MACROD2: variants seen among roughly 807,000 people sequenced by gnomAD.
MACROD2 encodes the protein mono-ADP ribosylhydrolase 2, also known as ADP-ribose glycohydrolase MACROD2.
Under a neutral mutation model 70.4 loss-of-function variants are expected in MACROD2, and 36 were observed. The ratio of observed to expected loss-of-function variants is 0.51; its 90% CI spans 0.39 to 0.68. MACROD2 has a LOEUF of 0.68. Among genes scored for constraint, MACROD2 ranks in the 30% least tolerant of loss-of-function variants. The pLI is 0.00. For missense variants in MACROD2, 496 were observed against 538.4 expected (o/e 0.92, Z 0.78); for synonymous variants, 172 against 178.8 (o/e 0.96, Z 0.30).
chr20:14,967,034 A>G (rs1219203058), intron 5 of MACROD2, among the ~76,000 whole-genome samples: 1 of 151,714 alleles, frequency 6.6e-6, no homozygotes, highest in African/African-American at 2.4e-5. Flanking sequence ...ATGGGTGTGT[A>G]CTGATATTTC....
At chr20:14,850,181 A>G in intron 5 of MACROD2, 1 of 317,592 alleles carries the variant, frequency 3.1e-6, no homozygotes, top group South Asian at 2.6e-5. Flanking sequence ...TTAGCTGGAA[A>G]ACAAAAAGCA....
intron 6 of MACROD2, among the ~76,000 whole-genome samples, chr20:15,376,397 A>G (rs950298019): frequency 5.9e-5 from 9 of 152,310 alleles, no homozygotes; most frequent in Non-Finnish European, 1.0e-4. Context: ...ACAGACCTCA[A>G]TATCTCTGCA....
chr20:15,640,999 C>A (rs1343255726), intron 8 of MACROD2, among the ~76,000 whole-genome samples: 2 of 152,222 alleles, frequency 1.3e-5, no homozygotes, highest in African/African-American at 4.8e-5. Context: ...GGCCAGTGGG[C>A]TCAATGCCCT....
intron 4 of MACROD2, chr20:14,628,997 A>G (rs1984353060): frequency 6.6e-6 from 1 of 152,198 alleles, no homozygotes; most frequent in South Asian, 2.1e-4. Context: ...TAGACACATT[A>G]TATTTATTAT....
At chr20:14,313,102 G>T (rs1329367879) in intron 3 of MACROD2, among the ~76,000 whole-genome samples, 1 of 152,148 alleles carries the variant, frequency 6.6e-6, no homozygotes, top group Non-Finnish European at 1.5e-5. Flanking sequence ...GTATATTATA[G>T]AATTCTGTCT....
In MACROD2 at chr20:15,850,580, G is replaced by A. The variant is rs146190334; in HGVS notation, c.646-12165G>A. Among the ~76,000 whole-genome samples the A allele has an allele frequency of 6.4e-4, 98 of 152,314 alleles. 1 individual carries two copies. In the East Asian group the frequency reaches 0.017, roughly 26 times the overall value. On this transcript the variant is annotated intron_variant, in intron 8 of 17. Coordinates refer to ENST00000684519, the MANE Select transcript of MACROD2 (RefSeq NM_001351661.2). ...AAGTAATCCATTTCTCACATAGAAG[G>A]AGATCTGTAACTCTTATCTAGAAGG...
Position 14,019,692 on chromosome 20 carries a change from A to T in MACROD2, c.163+17288A>T, listed in dbSNP as rs566090108. Among the ~76,000 whole-genome samples the T allele has an allele frequency of 2.0e-5, 3 of 152,178 alleles. No homozygotes were observed. In the South Asian group the frequency reaches 6.3e-4, roughly 32 times the overall value. On this transcript the variant is annotated intron_variant, in intron 2 of 17. Coordinates refer to ENST00000684519, the MANE Select transcript of MACROD2 (RefSeq NM_001351661.2). ...GGTCCTCATGTGCTGAGTCTGCCAC[A>T]GGACCATTGAATCATGAGTCTTGGA...
intron 5 of MACROD2, among the ~76,000 whole-genome samples, chr20:15,055,112 G>A (rs1392506044): frequency 2.0e-5 from 3 of 152,188 alleles, no homozygotes; most frequent in East Asian, 3.9e-4. Flanking sequence ...ACCACACCCA[G>A]CTAATTTTTG....
At chr20:14,978,009 A>T (rs1159327606) in intron 5 of MACROD2, among the ~76,000 whole-genome samples, 1 of 152,170 alleles carries the variant, frequency 6.6e-6, no homozygotes, top group African/African-American at 2.4e-5. Context: ...GAAGCTTCAG[A>T]TTCTTCCTTA....
intron 5 of MACROD2, among the ~76,000 whole-genome samples, chr20:15,003,844 C>G (rs527961814): frequency 6.6e-6 from 1 of 152,166 alleles, no homozygotes; most frequent in Non-Finnish European, 1.5e-5. Flanking sequence ...CCAGTTACTC[C>G]TGTAATAACT....
intron 12 of MACROD2, among the ~76,000 whole-genome samples, chr20:15,955,177 A>G (rs1386930879): frequency 6.6e-6 from 1 of 152,162 alleles, no homozygotes; most frequent in Non-Finnish European, 1.5e-5. Flanking sequence ...TCTTTGAAAG[A>G]TTGGAAGAAG....
At chr20:15,898,769 T>C (rs1332699688) in intron 10 of MACROD2, among the ~76,000 whole-genome samples, 1 of 152,008 alleles carries the variant, frequency 6.6e-6, no homozygotes, top group Non-Finnish European at 1.5e-5. Context: ...CTCTTGATCC[T>C]GGCACTTTAT....
At chr20:15,233,967 T>TATATA (rs1568657240) in intron 6 of MACROD2, among the ~76,000 whole-genome samples, 50 of 48,570 alleles carry the variant, frequency 1.0e-3, no homozygotes, top group Non-Finnish European at 1.3e-3. Flanking sequence ...AAAAATTTAT[T>TATATA]TTTATATATA....
At chr20:14,529,720 AT>A (rs112333507) in intron 4 of MACROD2, among the ~76,000 whole-genome samples, 10,345 of 152,174 alleles carry the variant, frequency 0.068, 1,177 homozygotes, top group African/African-American at 0.23. Context: ...TGAAATTGGG[AT>A]TTTGGTAAAA....
At chr20:15,183,078 T>A (rs1008974306) in intron 5 of MACROD2, among the ~76,000 whole-genome samples, 2 of 152,220 alleles carry the variant, frequency 1.3e-5, no homozygotes, top group Non-Finnish European at 2.9e-5. Context: ...TTGGTTGCAT[T>A]TCTTGCCTTT....
intron 5 of MACROD2, among the ~76,000 whole-genome samples, chr20:14,948,040 C>T (rs1360619020): frequency 1.3e-5 from 2 of 152,162 alleles, no homozygotes; most frequent in African/African-American, 4.8e-5. Flanking sequence ...GCAAGTATTT[C>T]CCCTCCAAGG....
intron 5 of MACROD2, among the ~76,000 whole-genome samples, chr20:15,175,417 TTAAAG>T (rs1392354997): frequency 2.0e-5 from 3 of 151,992 alleles, no homozygotes; most frequent in Admixed American, 6.5e-5. Context: ...ACCCTAAAAC[TTAAAG>T]TATAATAATA....
At chr20:14,925,314 A>T (rs970239313) in intron 5 of MACROD2, among the ~76,000 whole-genome samples, 3 of 152,172 alleles carry the variant, frequency 2.0e-5, no homozygotes, top group Non-Finnish European at 4.4e-5. Flanking sequence ...AAAAAGAAAC[A>T]CCTTACTGTC....
At chr20:14,470,732 A>G (rs1252987384) in intron 3 of MACROD2, among the ~76,000 whole-genome samples, 1 of 152,024 alleles carries the variant, frequency 6.6e-6, no homozygotes, top group Non-Finnish European at 1.5e-5. Flanking sequence ...GTGATGGGAA[A>G]ACTGCCTACT....
Sources: gnomAD v4.1 joint callset for allele counts (sites outside exome capture counted in the v4.1 genomes callset) on GRCh38, gnomAD v4.1.1 for gene constraint, MANE v1.5 for transcripts, NCBI Gene and HGNC (gene_info 2026-07-23, HGNC 2026-07-21) for gene names.